The following ADGRL3 variants were observed in gnomAD, a reference collection of about 807,000 sequenced individuals.
The protein encoded by ADGRL3 is calcium-independent alpha-latrotoxin receptor 3.
In ADGRL3, 62 loss-of-function variants were observed where a neutral mutation model predicts 153.5. That is an observed-to-expected ratio of 0.40 (90% CI 0.33 to 0.50). The LOEUF is 0.50. Ranked by LOEUF, ADGRL3 falls within the 20% of genes least tolerant of loss-of-function variation. The probability of loss-of-function intolerance (pLI) is 0.47; values close to 1 mark genes in which losing one functional copy is unlikely to be tolerated. For synonymous variants in ADGRL3, 710 were observed against 672.5 expected, an observed-to-expected ratio of 1.06 and a Z score of -0.86; for missense variants, 1,641 against 1,859.4, an observed-to-expected ratio of 0.88 and a Z score of 2.16.
intron 1 of ADGRL3, among the ~76,000 whole-genome samples, chr4:61,336,619 T>TA (rs1462129280): frequency 2.6e-5 from 4 of 151,976 alleles, no homozygotes; most frequent in Non-Finnish European, 5.9e-5. Flanking sequence ...TAGGGCTCAT[T>TA]ACGCCTTTCA....
At chr4:61,334,325 T>A (rs1192686978) in intron 1 of ADGRL3, among the ~76,000 whole-genome samples, 1 of 152,214 alleles carries the variant, frequency 6.6e-6, no homozygotes, top group Non-Finnish European at 1.5e-5. Flanking sequence ...GGATCTACCC[T>A]GGCAACTTTT....
intron 17 of ADGRL3, among the ~76,000 whole-genome samples, chr4:61,949,331 A>T (rs1470495285): frequency 2.0e-5 from 3 of 152,222 alleles, no homozygotes; most frequent in African/African-American, 7.2e-5. Context: ...ACTTTCAAAC[A>T]AGATGCTCAA....
chr4:61,549,001 C>T (rs1469071135), intron 4 of ADGRL3, among the ~76,000 whole-genome samples: 1 of 152,022 alleles, frequency 6.6e-6, no homozygotes, highest in Non-Finnish European at 1.5e-5. Context: ...TTTGTGTCAT[C>T]ACTGATTTCT....
At chr4:61,644,268 G>GATTTT (rs534607455) in intron 5 of ADGRL3, among the ~76,000 whole-genome samples, 7 of 145,454 alleles carry the variant, frequency 4.8e-5, no homozygotes, top group Admixed American at 2.1e-4. Flanking sequence ...TTTTTGAAGG[G>GATTTT]TTTTTTGTGT....
chr4:61,260,889 C>T (rs948732274), intron 1 of ADGRL3, among the ~76,000 whole-genome samples: 1 of 152,028 alleles, frequency 6.6e-6, no homozygotes, highest in Admixed American at 6.6e-5. Flanking sequence ...CCATGCCTAA[C>T]TAATTTTTGT....
intron 2 of ADGRL3, among the ~76,000 whole-genome samples, chr4:61,424,161 A>G (rs574477174): frequency 6.6e-6 from 1 of 152,190 alleles, no homozygotes; most frequent in South Asian, 2.1e-4. Flanking sequence ...TGATACATTT[A>G]TGCACTTCAC....
intron 4 of ADGRL3, among the ~76,000 whole-genome samples, chr4:61,534,139 G>C (rs535227823): frequency 6.6e-6 from 1 of 152,104 alleles, no homozygotes; most frequent in Non-Finnish European, 1.5e-5. Context: ...GAGAGATAGG[G>C]GCCCAGTTTC....
chr4:61,488,874 A>G (rs2098226342), intron 2 of ADGRL3, among the ~76,000 whole-genome samples: 1 of 152,006 alleles, frequency 6.6e-6, no homozygotes. Flanking sequence ...CCTATGTACC[A>G]TGACCAATTT....
intron 5 of ADGRL3, among the ~76,000 whole-genome samples, chr4:61,595,664 C>G (rs183212622): frequency 6.6e-6 from 1 of 151,782 alleles, no homozygotes; most frequent in East Asian, 1.9e-4. Context: ...TGAGCTGTGC[C>G]AGGTGGTGTC....
intron 6 of ADGRL3, among the ~76,000 whole-genome samples, chr4:61,688,257 T>C (rs1435300245): frequency 6.6e-6 from 1 of 152,132 alleles, no homozygotes; most frequent in Non-Finnish European, 1.5e-5. Flanking sequence ...AAAGACATAA[T>C]CTAATTATAA....
intron 26 of ADGRL3, among the ~76,000 whole-genome samples, 172 bp from the exon 27 acceptor site, chr4:62,069,937 C>G (rs1391897461): frequency 6.6e-6 from 1 of 152,118 alleles, no homozygotes; most frequent in Non-Finnish European, 1.5e-5. Context: ...CAATTATACA[C>G]ATATATAGAT....
At chr4:61,898,848 C>A (rs1445448147) in intron 11 of ADGRL3, among the ~76,000 whole-genome samples, 2 of 152,120 alleles carry the variant, frequency 1.3e-5, no homozygotes, top group African/African-American at 2.4e-5. Flanking sequence ...AACTCCTGAG[C>A]TCAGGCAATC....
At chr4:61,279,448 T>C (rs955560770) in intron 1 of ADGRL3, among the ~76,000 whole-genome samples, 1 of 152,194 alleles carries the variant, frequency 6.6e-6, no homozygotes, top group African/African-American at 2.4e-5. Context: ...CTTATATGAA[T>C]ATTGTAACGA....
chr4:61,330,273 A>G (rs2095545996), intron 1 of ADGRL3, among the ~76,000 whole-genome samples: 1 of 152,118 alleles, frequency 6.6e-6, no homozygotes, highest in South Asian at 2.1e-4. Context: ...TCTCCAGAAA[A>G]GATTAGCATT....
Position 62,074,249 on chromosome 4 carries a change from T to C in ADGRL3, c.*3341T>C, listed in dbSNP as rs1460147083. Reference sequence around the variant, plus strand: ...AGTATACCGCTATAATACAGCTTATTTAGCCAGCTAGAAGTAAAACTTATG... The same window carrying C: ...AGTATACCGCTATAATACAGCTTATCTAGCCAGCTAGAAGTAAAACTTATG... On this transcript the variant is annotated 3_prime_UTR_variant, in exon 27 of 27. Transcript: ENST00000683033. 8 of 152,128 alleles carry C rather than the reference T, an allele frequency of 5.3e-5. No individual in the cohort carries two copies. Among genetic ancestry groups the C allele is most frequent in the African/African-American group, 1.9e-4 (8 of 41,438 alleles). The allele number at this position is 152,128 out of a possible 1,614,324, so 9.4% of individuals were successfully genotyped here.
chr4:61,791,802 C>A (rs557068429), intron 8 of ADGRL3, among the ~76,000 whole-genome samples: 31 of 152,340 alleles, frequency 2.0e-4, no homozygotes, highest in African/African-American at 5.8e-4. Flanking sequence ...AGACTCAGCA[C>A]CATGTGGAAG....
chr4:61,536,888 A>C (rs998341699), intron 4 of ADGRL3, among the ~76,000 whole-genome samples: 45 of 152,048 alleles, frequency 3.0e-4, no homozygotes, highest in African/African-American at 9.7e-4. Context: ...ATTCAAAGTT[A>C]ATATTGATAT....
chr4:61,296,440 C>T (rs1010349439), intron 1 of ADGRL3, among the ~76,000 whole-genome samples: 4 of 145,378 alleles, frequency 2.8e-5, no homozygotes, highest in South Asian at 2.4e-4. Context: ...GCCTTTGATG[C>T]CCTGGTGTGC....
chr4:62,063,512 G>A, intron 25 of ADGRL3: 2 of 686,208 alleles, frequency 2.9e-6, no homozygotes, highest in South Asian at 1.6e-5. Context: ...CAGGAGCCAT[G>A]GCTAATCATC....
Sources: gnomAD v4.1 joint callset for allele counts (sites outside exome capture counted in the v4.1 genomes callset) on GRCh38, gnomAD v4.1.1 for gene constraint, MANE v1.5 for transcripts, NCBI Gene and HGNC (gene_info 2026-07-23, HGNC 2026-07-21) for gene names.